Variants in CELF2 observed in about 807,000 individuals in gnomAD.
CELF2 encodes CUGBP Elav-like family member 2.
A neutral mutation model predicts 62.6 loss-of-function variants in CELF2; 8 were observed. The observed-to-expected ratio is 0.13, with a 90% CI of 0.07 to 0.23. The LOEUF is 0.23. CELF2 is among the 10% of genes least tolerant of loss of function. The pLI is 1.00. For missense variants in CELF2, 333 were observed against 671.0 expected, an observed-to-expected ratio of 0.50 and a Z score of 5.56; for synonymous variants, 258 against 250.0, an observed-to-expected ratio of 1.03 and a Z score of -0.30.
intron 1 of CELF2, among the ~76,000 whole-genome samples, chr10:10,885,838 C>T (rs1181001500): frequency 6.6e-6 from 1 of 152,174 alleles, no homozygotes; most frequent in Non-Finnish European, 1.5e-5. Flanking sequence ...TCTTTCTGAC[C>T]TCTGCTTCCC....
the CELF2 span, among the ~76,000 whole-genome samples, chr10:10,634,456 C>T: frequency 6.6e-6 from 1 of 152,004 alleles, no homozygotes; most frequent in African/African-American, 2.4e-5. Flanking sequence ...TCATGTTTTG[C>T]AAGTAGCTAA....
chr10:10,648,426 TG>T, the CELF2 span, among the ~76,000 whole-genome samples: 77 of 152,342 alleles, frequency 5.1e-4, no homozygotes, highest in Middle Eastern at 3.4e-3. Context: ...GCTCAGCGTC[TG>T]GTATCAAAAA....
intron 1 of CELF2, among the ~76,000 whole-genome samples, chr10:11,070,966 A>C (rs2069756624): frequency 6.6e-6 from 1 of 152,232 alleles, no homozygotes; most frequent in South Asian, 2.1e-4. Flanking sequence ...AATGGAAGGT[A>C]AGAAAAGAAG....
chr10:10,901,748 A>G (rs1403928693), intron 1 of CELF2, among the ~76,000 whole-genome samples: 2 of 152,204 alleles, frequency 1.3e-5, no homozygotes, highest in African/African-American at 2.4e-5. Flanking sequence ...AAATATTATT[A>G]CATTATATAT....
At chr10:11,144,572 C>T (rs1307803794) in intron 1 of CELF2, among the ~76,000 whole-genome samples, 1 of 150,572 alleles carries the variant, frequency 6.6e-6, no homozygotes, top group Non-Finnish European at 1.5e-5. Flanking sequence ...CTTTCAAAAA[C>T]ATAGACTGTA....
At chr10:11,226,175 A>G (rs4747896) in intron 3 of CELF2, among the ~76,000 whole-genome samples, 151,431 of 152,338 alleles carry the variant, frequency 0.99, 75,279 homozygotes, top group Middle Eastern at 1. Context: ...CCATGGCTGT[A>G]GTTTAATTTT....
chr10:10,995,308 T>G lies in CELF2; in HGVS notation c.89+75309T>G, dbSNP rs1488119409. Among the ~76,000 whole-genome samples the G allele has an allele frequency of 6.6e-6, 1 of 152,210 alleles. No homozygotes were observed. Among genetic ancestry groups the G allele is most frequent in the Admixed American group, 6.5e-5 (1 of 15,282 alleles). ...GACCATATTATGACATCTTTGTATC[T>G]CCTTTTCTCCTGAGATGATGTCATC... is the stretch of plus-strand genomic sequence containing the variant. On this transcript the variant is annotated intron_variant, in intron 2 of 13. Transcript: ENST00000636488. This position sits in a 1 kb window ranked among gnomAD's most constrained non-coding sequence, Gnocchi z 4.7.
the CELF2 span, among the ~76,000 whole-genome samples, chr10:10,587,046 G>A: frequency 6.6e-6 from 1 of 152,136 alleles, no homozygotes; most frequent in African/African-American, 2.4e-5. Flanking sequence ...AACCAGAGGT[G>A]CCCCTTTAGA....
the CELF2 span, among the ~76,000 whole-genome samples, chr10:10,476,059 G>T: frequency 6.6e-6 from 1 of 151,996 alleles, no homozygotes; most frequent in Non-Finnish European, 1.5e-5. Context: ...CACATTCCAA[G>T]GCAAAGCGTT....
chr10:10,734,063 C>G, the CELF2 span, among the ~76,000 whole-genome samples: 3 of 152,092 alleles, frequency 2.0e-5, no homozygotes, highest in East Asian at 5.8e-4. Context: ...TTCAACAAAC[C>G]TCAATAAGAC....
At chr10:11,141,452 A>G (rs533676093) in intron 1 of CELF2, among the ~76,000 whole-genome samples, 2 of 152,358 alleles carry the variant, frequency 1.3e-5, no homozygotes, top group African/African-American at 2.4e-5. Context: ...AAAAGCCTTC[A>G]TTATTCTGAA....
intron 1 of CELF2, among the ~76,000 whole-genome samples, chr10:10,871,091 A>G (rs1383940183): frequency 6.6e-6 from 1 of 152,104 alleles, no homozygotes; most frequent in East Asian, 1.9e-4. Flanking sequence ...CCCTGGGAGG[A>G]CTAAAGGTGG....
the CELF2 span, among the ~76,000 whole-genome samples, chr10:10,526,174 A>G: frequency 1.3e-5 from 2 of 152,346 alleles, no homozygotes; most frequent in South Asian, 2.1e-4. Flanking sequence ...TTAGATTTTT[A>G]TTCTGGTTTT....
intron 1 of CELF2, among the ~76,000 whole-genome samples, chr10:11,025,679 A>G (rs1021306545): frequency 6.6e-6 from 1 of 152,234 alleles, no homozygotes; most frequent in African/African-American, 2.4e-5. Context: ...CTTTCTTAAA[A>G]TATTTACCAC....
At chr10:11,094,976 A>G (rs1338118708) in intron 1 of CELF2, among the ~76,000 whole-genome samples, 1 of 152,212 alleles carries the variant, frequency 6.6e-6, no homozygotes, top group Non-Finnish European at 1.5e-5. Context: ...AAAACAGTAT[A>G]ATTACATTTT....
intron 2 of CELF2, among the ~76,000 whole-genome samples, chr10:11,213,621 A>G (rs1001558114): frequency 6.6e-6 from 1 of 152,206 alleles, no homozygotes; most frequent in African/African-American, 2.4e-5. Context: ...ATATTAAGTG[A>G]TAGGTGGATA....
At chr10:11,252,738 A>G (rs1305987828) in intron 4 of CELF2, among the ~76,000 whole-genome samples, 1 of 152,132 alleles carries the variant, frequency 6.6e-6, no homozygotes. Context: ...CGTGTTTTCC[A>G]TCCACGTGCT....
chr10:10,547,673 TAG>T, the CELF2 span, among the ~76,000 whole-genome samples: 82 of 135,322 alleles, frequency 6.1e-4, no homozygotes, highest in Middle Eastern at 3.6e-3. Flanking sequence ...ACCAAAAAGA[TAG>T]AGAGAGAGAG....
At chr10:10,481,053 G>C in the CELF2 span, among the ~76,000 whole-genome samples, 1 of 152,046 alleles carries the variant, frequency 6.6e-6, no homozygotes, top group Admixed American at 6.6e-5. Flanking sequence ...ACAAGAGTGA[G>C]ACTTCATTTC....
Sources: allele counts gnomAD v4.1 joint callset (sites outside exome capture counted in the v4.1 genomes callset), GRCh38; gene constraint gnomAD v4.1.1; non-coding constraint Gnocchi (gnomAD v3.1); transcripts MANE v1.5; gene names NCBI Gene and HGNC (gene_info 2026-07-23, HGNC 2026-07-21).